Variants in TG observed in about 807,000 individuals in gnomAD.
TG encodes thyroid hormones.
Under a neutral mutation model 324.7 loss-of-function variants are expected in TG, and 270 were observed. The observed-to-expected ratio is 0.83, with a 90% CI of 0.75 to 0.92. The LOEUF (loss-of-function observed/expected upper bound fraction) is 0.92. Ranked by LOEUF, TG falls within the 40% of genes least tolerant of loss-of-function variation. The pLI is 0.00. For synonymous variants in TG, 1,401 were observed against 1,327.0 expected, an observed-to-expected ratio of 1.06 and a Z score of -1.21; for missense variants, 3,591 against 3,456.4, an observed-to-expected ratio of 1.04 and a Z score of -0.98.
chr8:132,936,698 G>T (rs968320681), intron 25 of TG, among the ~76,000 whole-genome samples: 5 of 152,162 alleles, frequency 3.3e-5, no homozygotes, highest in African/African-American at 4.8e-5. Flanking sequence ...GGAATCCTGA[G>T]GTCTGCGCTC....
intron 35 of TG, 65 bp downstream of exon 35, chr8:132,983,477 TC>T: frequency 6.7e-7 from 1 of 1,501,940 alleles, no homozygotes. Flanking sequence ...TTTCTCCTCT[TC>T]CCCCTTGCTT....
At chr8:133,117,000 C>G (rs986943236) in intron 45 of TG, among the ~76,000 whole-genome samples, 30 of 152,176 alleles carry the variant, frequency 2.0e-4, no homozygotes, top group African/African-American at 6.3e-4. Flanking sequence ...TTCATTTACT[C>G]TCTATATTGA....
intron 43 of TG, among the ~76,000 whole-genome samples, chr8:133,103,600 T>C (rs1214510476): frequency 6.6e-6 from 1 of 152,256 alleles, no homozygotes; most frequent in African/African-American, 2.4e-5. Flanking sequence ...ATTATTATTA[T>C]ATTTTTTCTT....
At position 132,881,978 on chromosome 8, in the gene TG, T is replaced by TC. The variant is rs1814705701; in HGVS notation, c.745+9_745+10insC. On this transcript the variant is annotated intron_variant, in intron 6 of 47. Coordinates refer to ENST00000220616, the MANE Select transcript of TG (RefSeq NM_003235.5). ...GGAACTGGCTGAGACAGGTGAGTGA[T>TC]ACCCCTCAGGTGATCTGAAGGGAGG... 6.3e-7 allele frequency: 1 copy of TC among 1,587,800 alleles called. No individual in the cohort carries two copies.
intron 41 of TG, among the ~76,000 whole-genome samples, chr8:133,052,081 G>A (rs149102657): frequency 3.5e-4 from 53 of 152,260 alleles, no homozygotes; most frequent in Admixed American, 5.9e-4. Flanking sequence ...AGGCATGTGG[G>A]CTTTGGGGCC....
At chr8:132,961,576 T>C (rs1827766278) in intron 28 of TG, among the ~76,000 whole-genome samples, 1 of 152,172 alleles carries the variant, frequency 6.6e-6, no homozygotes, top group Non-Finnish European at 1.5e-5. Context: ...TTCCCTTCTG[T>C]TTCTTTGTCC....
At chr8:133,039,632 G>T (rs1345364519) in intron 41 of TG, among the ~76,000 whole-genome samples, 1 of 152,168 alleles carries the variant, frequency 6.6e-6, no homozygotes, top group Non-Finnish European at 1.5e-5. Context: ...TTGTGAGTGG[G>T]TTTTAAATAA....
intron 31 of TG, among the ~76,000 whole-genome samples, chr8:132,968,539 G>A (rs1483554790): frequency 6.6e-6 from 1 of 152,136 alleles, no homozygotes; most frequent in Non-Finnish European, 1.5e-5. Context: ...TCCAGATGTT[G>A]TCACCTTTCA....
At chr8:132,918,765 C>A (rs142279329) in intron 20 of TG, among the ~76,000 whole-genome samples, 13 of 152,296 alleles carry the variant, frequency 8.5e-5, no homozygotes, top group Non-Finnish European at 1.5e-4. Context: ...TGATAACTTC[C>A]CCATAGGGTT....
At chr8:132,880,485 T>A (rs1814500182) in intron 5 of TG, among the ~76,000 whole-genome samples, 2 of 152,204 alleles carry the variant, frequency 1.3e-5, no homozygotes. Flanking sequence ...TAGTGGCAAC[T>A]AAGCAAAGTG....
Position 133,070,606 on chromosome 8 carries a change from A to G in TG, c.7240-24438A>G, listed in dbSNP as rs141203098. Among the ~76,000 whole-genome samples the G allele has an allele frequency of 2.1e-3, 327 of 152,314 alleles. 1 individual carries two copies. Among genetic ancestry groups the G allele is most frequent in the African/African-American group, 7.4e-3 (309 of 41,564 alleles). On this transcript the variant is annotated intron_variant, in intron 41 of 47. Coordinates refer to ENST00000220616, the MANE Select transcript of TG (RefSeq NM_003235.5). Reference sequence around the variant, plus strand: ...TCAGAGAGGTAAGTAATTTGCTCAGAGTTACAAGGCTTGTTCAGGGCTGGG... The same window carrying G: ...TCAGAGAGGTAAGTAATTTGCTCAGGGTTACAAGGCTTGTTCAGGGCTGGG...
At chr8:132,972,539 T>C (rs1025014240) in intron 33 of TG, 59 bp from the exon 34 acceptor site, 3 of 1,587,796 alleles carry the variant, frequency 1.9e-6, no homozygotes, top group South Asian at 2.2e-5. Context: ...TTTATTAGAC[T>C]CTTCCATTGT....
chr8:133,134,816 A>G lies in TG; in HGVS notation c.*22A>G, dbSNP rs1275267193. 2 of 1,602,172 alleles carry G rather than the reference A, an allele frequency of 1.2e-6. No homozygotes were observed. Among genetic ancestry groups the G allele is most frequent in the Non-Finnish European group, 1.7e-6 (2 of 1,169,282 alleles). On this transcript the variant is annotated 3_prime_UTR_variant, in exon 48 of 48. Coordinates refer to ENST00000220616, the MANE Select transcript of TG (RefSeq NM_003235.5). ...GTGACCAGCCCTTGAGCTCCCCAAAAACCTCACCCGAGGCTGCCCACTATG... is the reference window on the plus strand; with the variant it reads ...GTGACCAGCCCTTGAGCTCCCCAAAGACCTCACCCGAGGCTGCCCACTATG...
chr8:132,906,958 G>A, intron 17 of TG, 58 bp downstream of exon 17: 4 of 1,538,872 alleles, frequency 2.6e-6, no homozygotes, highest in Non-Finnish European at 2.6e-6. Context: ...CTAGGGCTGG[G>A]ACCGAGATAT....
At chr8:132,980,633 G>A (rs986186976) in intron 34 of TG, among the ~76,000 whole-genome samples, 18 of 152,172 alleles carry the variant, frequency 1.2e-4, no homozygotes, top group Non-Finnish European at 2.4e-4. Flanking sequence ...AGAAGTGCAG[G>A]AGGCTCAGGG....
rs1835647775 is a variant in TG, at chr8:133,022,397, T to C, written c.7036+247T>C. ...TGCTCCAAGTCCATTACAGGTCTTA[T>C]CTTGTGATGTGTGTGTATGTGTGAG... On this transcript the variant is annotated intron_variant, in intron 40 of 47. Transcript: ENST00000220616. 3.9e-5 allele frequency among the ~76,000 whole-genome samples: 6 copies of C among 152,188 alleles called. No homozygotes were observed. In the South Asian group the frequency reaches 1.0e-3, roughly 26 times the overall value.
chr8:133,113,127 G>A (rs1024507684), intron 43 of TG, among the ~76,000 whole-genome samples: 2 of 152,162 alleles, frequency 1.3e-5, no homozygotes, highest in Non-Finnish European at 2.9e-5. Context: ...CCTTAACAGA[G>A]CACTTATTAA....
intron 41 of TG, chr8:133,047,794 C>T: frequency 8.6e-7 from 1 of 1,161,620 alleles, no homozygotes; most frequent in Admixed American, 1.7e-5. Flanking sequence ...TGCTTGTCTG[C>T]CCCGGATGGG....
intron 34 of TG, among the ~76,000 whole-genome samples, chr8:132,975,977 A>G (rs555973862): frequency 1.2e-4 from 18 of 152,342 alleles, no homozygotes; most frequent in Non-Finnish European, 2.9e-5. Flanking sequence ...GTTTTCAGTT[A>G]TATACTGTAC....
Sources: allele counts gnomAD v4.1 joint callset (sites outside exome capture counted in the v4.1 genomes callset), GRCh38; gene constraint gnomAD v4.1.1; transcripts MANE v1.5; gene names NCBI Gene and HGNC (gene_info 2026-07-23, HGNC 2026-07-21).